Variants in COL14A1 observed in about 807,000 individuals in gnomAD.
COL14A1 encodes collagen alpha-1(XIV) chain.
Under a neutral mutation model 230.3 loss-of-function variants are expected in COL14A1, and 136 were observed. The ratio of observed to expected loss-of-function variants is 0.59; its 90% CI spans 0.51 to 0.68. The LOEUF (loss-of-function observed/expected upper bound fraction) is 0.68, where lower values mean the gene tolerates loss of function less well. COL14A1 is among the 30% of genes least tolerant of loss of function. The pLI is 0.00. For missense variants in COL14A1, 1,976 were observed against 2,215.8 expected (o/e 0.89, Z 2.17); for synonymous variants, 792 against 784.1 (o/e 1.01, Z -0.17).
rs1271916459 is a variant in COL14A1, at chr8:120,147,830, A to G, written c.-13A>G. On this transcript the variant is annotated 5_prime_UTR_variant, in exon 2 of 48. Coordinates refer to ENST00000297848, the MANE Select transcript of COL14A1 (RefSeq NM_021110.4). ...GGTGGCTGCTACACCCCATGTAAAA[A>G]GCGGAAAATAAAATGAAGATTTTCC... The G allele has an allele frequency of 1.2e-6, 2 of 1,609,842 alleles. No homozygotes were observed. Among genetic ancestry groups the G allele is most frequent in the East Asian group, 4.5e-5 (2 of 44,834 alleles).
In COL14A1 at chr8:120,169,007, C is replaced by T. The variant is rs191067537; in HGVS notation, c.436+760C>T. 6.3e-3 allele frequency among the ~76,000 whole-genome samples: 961 copies of T among 152,188 alleles called. 5 individuals are homozygous for T. The highest frequency in any genetic ancestry group is 0.022 in the African/African-American group (912 of 41,520). On this transcript the variant is annotated intron_variant, in intron 5 of 47. Transcript: ENST00000297848. The stretch of plus-strand genomic sequence containing the variant: ...AGTAGCTGGGATTACAGGTGCGTGC[C>T]ACCATGCCCAGCTAATTTTTGTATT...
intron 34 of COL14A1, among the ~76,000 whole-genome samples, chr8:120,293,745 A>T (rs1158849): frequency 1 from 151,918 of 151,918 alleles, 75,959 homozygotes; most frequent in Non-Finnish European, 1. Flanking sequence ...TCCTATCTGT[A>T]CATTGACAGG....
chr8:120,297,543 C>A lies in COL14A1; in HGVS notation c.4269C>A (p.Ser1423=). 2 of 1,461,746 alleles carry A rather than the reference C, an allele frequency of 1.4e-6. No individual in the cohort carries two copies. Among genetic ancestry groups the A allele is most frequent in the South Asian group, 1.7e-5 (1 of 57,542 alleles). 90.5% of individuals were successfully genotyped at this position (1,461,746 alleles called of 1,614,324 possible). The part of the protein sequence containing the change: ...FQLQMFDIVC[S]TSWANTDKCC... ...TACAGATGTTTGATATTGTTTGCTC[C>A]ACATCATGGGCCAATACAGACAAAT... The change falls in exon 35 of 48, where the codon TCC becomes TCA. Residue 1423 remains serine, a synonymous_variant. Transcript: ENST00000297848.
At chr8:120,155,918 G>T (rs1263436794) in intron 2 of COL14A1, among the ~76,000 whole-genome samples, 2 of 152,062 alleles carry the variant, frequency 1.3e-5, no homozygotes, top group Non-Finnish European at 2.9e-5. Flanking sequence ...ATAAATTTAT[G>T]CTTTCTCATT....
chr8:120,200,187 T>C (rs59767583), intron 8 of COL14A1, among the ~76,000 whole-genome samples: 42,775 of 151,656 alleles, frequency 0.28, 6,351 homozygotes, highest in African/African-American at 0.37. Context: ...ACAAACTTTC[T>C]CAGCAGAAAA....
intron 5 of COL14A1, among the ~76,000 whole-genome samples, chr8:120,185,356 AG>A (rs1362702169): frequency 6.6e-6 from 1 of 152,172 alleles, no homozygotes; most frequent in Non-Finnish European, 1.5e-5. Flanking sequence ...AACATTTAGA[AG>A]ACCTGTTGTG....
intron 21 of COL14A1, among the ~76,000 whole-genome samples, chr8:120,250,385 T>C (rs1260158007): frequency 6.6e-6 from 1 of 152,182 alleles, no homozygotes; most frequent in East Asian, 1.9e-4. Flanking sequence ...TTTCTTTGAA[T>C]AAGTACAAGG....
chr8:120,276,443 T>C (rs1377924737), intron 26 of COL14A1, among the ~76,000 whole-genome samples: 3 of 149,692 alleles, frequency 2.0e-5, no homozygotes, highest in African/African-American at 7.4e-5. Flanking sequence ...TGCACTAAAA[T>C]CTCAAACCTT....
At chr8:120,245,124 C>T (rs576854993) in intron 20 of COL14A1, among the ~76,000 whole-genome samples, 15 of 152,298 alleles carry the variant, frequency 9.8e-5, no homozygotes, top group African/African-American at 3.1e-4. Flanking sequence ...TCTGGTCATC[C>T]GGGTCTAGGC....
At chr8:120,345,236 A>G in intron 44 of COL14A1, 139 bp from the exon 45 acceptor site, 1 of 698,094 alleles carries the variant, frequency 1.4e-6, no homozygotes, top group Non-Finnish European at 2.3e-6. Context: ...CTGGAAATCA[A>G]CATATTTCAA....
intron 37 of COL14A1, 52 bp downstream of exon 37, chr8:120,310,114 T>A (rs760314481): frequency 6.5e-7 from 1 of 1,544,962 alleles, no homozygotes; most frequent in South Asian, 1.1e-5. Flanking sequence ...CTCTCTCTCA[T>A]AAATAGCCAT....
intron 4 of COL14A1, among the ~76,000 whole-genome samples, chr8:120,164,613 A>G (rs539542746): frequency 1.3e-4 from 20 of 152,358 alleles, no homozygotes; most frequent in African/African-American, 4.6e-4. Flanking sequence ...CTGAACAAAG[A>G]CATTTGGCAA....
chr8:120,289,883 G>A (rs1820320170), intron 34 of COL14A1, 117 bp downstream of exon 34: 2 of 1,041,956 alleles, frequency 1.9e-6, no homozygotes, highest in African/African-American at 1.6e-5. Context: ...TAAATGGATG[G>A]ATGAATGAAT....
chr8:120,167,730 A>G (rs547648116), intron 4 of COL14A1, among the ~76,000 whole-genome samples: 4 of 152,150 alleles, frequency 2.6e-5, no homozygotes, highest in Admixed American at 1.3e-4. Flanking sequence ...CATGGTTAAG[A>G]TCTTTCTAGA....
At chr8:120,132,485 T>G in intron 1 of COL14A1, among the ~76,000 whole-genome samples, 1 of 152,190 alleles carries the variant, frequency 6.6e-6, no homozygotes, top group East Asian at 1.9e-4. Flanking sequence ...TGAAGTTGGA[T>G]AATTTGATGC....
chr8:120,330,618 G>C (rs567503884), intron 40 of COL14A1, among the ~76,000 whole-genome samples: 7 of 152,146 alleles, frequency 4.6e-5, no homozygotes, highest in African/African-American at 1.4e-4. Flanking sequence ...CTCTCATGAC[G>C]TGGGAATTAT....
intron 33 of COL14A1, among the ~76,000 whole-genome samples, chr8:120,287,774 A>G (rs1408609438): frequency 6.6e-6 from 1 of 152,156 alleles, no homozygotes; most frequent in Non-Finnish European, 1.5e-5. Flanking sequence ...TAATAGACCT[A>G]TTAATAGAAT....
At chr8:120,295,372 A>G (rs1820493989) in intron 34 of COL14A1, among the ~76,000 whole-genome samples, 1 of 151,800 alleles carries the variant, frequency 6.6e-6, no homozygotes, top group African/African-American at 2.4e-5. Context: ...TGATTACGTT[A>G]TTTAAACTTT....
intron 19 of COL14A1, 98 bp from the exon 20 acceptor site, chr8:120,243,776 CTCTTT>C (rs1220586113): frequency 6.6e-6 from 9 of 1,354,490 alleles, no homozygotes; most frequent in Non-Finnish European, 9.2e-6. Flanking sequence ...CAAAGCACAT[CTCTTT>C]TCTTTTGATT....
Sources: allele counts gnomAD v4.1 joint callset (sites outside exome capture counted in the v4.1 genomes callset), GRCh38; gene constraint gnomAD v4.1.1; transcripts MANE v1.5; gene names NCBI Gene and HGNC (gene_info 2026-07-23, HGNC 2026-07-21).